The following CAMK4 variants were observed in gnomAD, a reference collection of about 807,000 sequenced individuals.
CAMK4 encodes the protein calcium/calmodulin-dependent protein kinase type IV.
In CAMK4, 22 loss-of-function variants were observed where a neutral mutation model predicts 44.9. The observed-to-expected ratio is 0.49, with a 90% CI of 0.35 to 0.70. The LOEUF (loss-of-function observed/expected upper bound fraction) is 0.70, where lower values mean the gene tolerates loss of function less well. Ranked by LOEUF, CAMK4 falls within the 30% of genes least tolerant of loss-of-function variation. The pLI, the probability that CAMK4 is intolerant of heterozygous loss-of-function variation, is 0.01. For synonymous variants in CAMK4, 218 were observed against 215.4 expected, an observed-to-expected ratio of 1.01 and a Z score of -0.11; for missense variants, 498 against 586.8, an observed-to-expected ratio of 0.85 and a Z score of 1.56.
intron 1 of CAMK4, among the ~76,000 whole-genome samples, chr5:111,309,236 A>C (rs1352681088): frequency 6.6e-6 from 1 of 152,186 alleles, no homozygotes. Context: ...CACCAAACCA[A>C]ATGCCTCCTG....
At chr5:111,396,628 A>ATTTT (rs1210775733) in intron 5 of CAMK4, among the ~76,000 whole-genome samples, 2 of 41,292 alleles carry the variant, frequency 4.8e-5, no homozygotes, top group African/African-American at 2.1e-4. Context: ...ATTAACTCAT[A>ATTTT]TTCTTTTTTT....
chr5:111,387,143 A>G (rs893128853), intron 4 of CAMK4, among the ~76,000 whole-genome samples: 2 of 152,228 alleles, frequency 1.3e-5, no homozygotes, highest in African/African-American at 4.8e-5. Flanking sequence ...TACAGCAATA[A>G]CTATGTTTAA....
At chr5:111,415,943 T>G (rs990905169) in intron 5 of CAMK4, among the ~76,000 whole-genome samples, 23 of 152,346 alleles carry the variant, frequency 1.5e-4, no homozygotes, top group African/African-American at 5.5e-4. Context: ...TACAAGAAGA[T>G]GTGTGTAGTT....
chr5:111,331,617 C>G (rs558864790), intron 1 of CAMK4, among the ~76,000 whole-genome samples: 124 of 151,816 alleles, frequency 8.2e-4, no homozygotes, highest in African/African-American at 2.2e-3. Context: ...CCCTATCCAT[C>G]TTGAAGACCC....
At chr5:111,443,247 T>C (rs1362518450) in intron 5 of CAMK4, among the ~76,000 whole-genome samples, 1 of 56,316 alleles carries the variant, frequency 1.8e-5, no homozygotes, top group Non-Finnish European at 3.4e-5. Flanking sequence ...CCCTACCATA[T>C]ATATATATAT....
In CAMK4 at chr5:111,486,886, T is replaced by C. The variant is rs1424259183; in HGVS notation, c.*2420T>C. The C allele has an allele frequency of 6.6e-6, 1 of 152,232 alleles. No homozygotes were observed. Among genetic ancestry groups the C allele is most frequent in the Admixed American group, 6.5e-5 (1 of 15,278 alleles). 9.4% of individuals were successfully genotyped at this position (152,232 alleles called of 1,614,324 possible). A position where few individuals can be genotyped will look rare whatever the true frequency, so the allele number is the denominator to read the frequency against. ...AAAAAATCAATGGGAGTTTTAAATT[T>C]TGACTCATGTTAAAGATAAGATTCT... On this transcript the variant is annotated 3_prime_UTR_variant, in exon 11 of 11. Transcript: ENST00000282356.
At chr5:111,344,223 T>A (rs1230175124) in intron 2 of CAMK4, 121 bp downstream of exon 2, 1 of 579,404 alleles carries the variant, frequency 1.7e-6, no homozygotes, top group African/African-American at 1.9e-5. Context: ...CATTTGACTC[T>A]TGATTACGGG....
chr5:111,331,303 A>G (rs78721443), intron 1 of CAMK4, among the ~76,000 whole-genome samples: 1 of 151,778 alleles, frequency 6.6e-6, no homozygotes, highest in Non-Finnish European at 1.5e-5. Context: ...TTCACAAAAG[A>G]TGAATGAATT....
intron 2 of CAMK4, among the ~76,000 whole-genome samples, chr5:111,346,762 A>C (rs1294386780): frequency 6.6e-6 from 1 of 151,826 alleles, no homozygotes; most frequent in South Asian, 2.1e-4. Flanking sequence ...GTAGGTCATC[A>C]TTCTAATATC....
At chr5:111,344,241 C>T (rs371234056) in intron 2 of CAMK4, 139 bp downstream of exon 2, 2 of 512,492 alleles carry the variant, frequency 3.9e-6, no homozygotes, top group East Asian at 3.2e-5. Flanking sequence ...GGGAGTGCAA[C>T]CCAAATAGGT....
At chr5:111,266,804 G>A (rs1011247343) in intron 1 of CAMK4, among the ~76,000 whole-genome samples, 6 of 152,186 alleles carry the variant, frequency 3.9e-5, no homozygotes, top group South Asian at 2.1e-4. Flanking sequence ...AAATCTATTG[G>A]TTGTGTTTCA....
intron 1 of CAMK4, among the ~76,000 whole-genome samples, chr5:111,236,792 T>A (rs1748751034): frequency 6.6e-6 from 1 of 152,234 alleles, no homozygotes; most frequent in African/African-American, 2.4e-5. Flanking sequence ...CCAGAACATC[T>A]GCTTATTGGG....
At chr5:111,344,671 T>C (rs934295232) in intron 2 of CAMK4, among the ~76,000 whole-genome samples, 1 of 151,736 alleles carries the variant, frequency 6.6e-6, no homozygotes, top group Admixed American at 6.6e-5. Flanking sequence ...AAGTTTGTAC[T>C]TGGAAAAAAA....
At chr5:111,393,781 C>G (rs924917635) in intron 4 of CAMK4, among the ~76,000 whole-genome samples, 1 of 151,940 alleles carries the variant, frequency 6.6e-6, no homozygotes, top group South Asian at 2.1e-4. Context: ...AGGCTTAATA[C>G]CTGGGTGATG....
intron 2 of CAMK4, among the ~76,000 whole-genome samples, chr5:111,355,283 T>A (rs1359302407): frequency 6.6e-6 from 1 of 152,082 alleles, no homozygotes; most frequent in African/African-American, 2.4e-5. Flanking sequence ...AACAGGAATA[T>A]TTCTATCCAG....
Position 111,478,885 on chromosome 5 carries a change from T to C in CAMK4, c.828+378T>C, listed in dbSNP as rs187436839. 6.6e-3 allele frequency among the ~76,000 whole-genome samples: 1,006 copies of C among 152,306 alleles called. 8 individuals carry two copies. Among genetic ancestry groups the C allele is most frequent in the Non-Finnish European group, 0.011 (737 of 68,026 alleles). ...TTAGATGTACTTCATTTCTTTTTTGTTTCTTTGTTTTTGAGACAAGGTCTC... is the reference window on the plus strand; with the variant it reads ...TTAGATGTACTTCATTTCTTTTTTGCTTCTTTGTTTTTGAGACAAGGTCTC... On this transcript the variant is annotated intron_variant, in intron 9 of 10. Coordinates refer to ENST00000282356, the MANE Select transcript of CAMK4 (RefSeq NM_001744.6).
intron 7 of CAMK4, 48 bp from the exon 8 acceptor site, chr5:111,473,263 A>G: frequency 8.5e-7 from 1 of 1,175,178 alleles, no homozygotes; most frequent in Non-Finnish European, 1.3e-6. Flanking sequence ...ATTAAAATAT[A>G]AATATTGACT....
rs77269208 is a variant in CAMK4 at position 111,367,749 on chromosome 5, G to A, written c.241-7101G>A. ...GAAAAATGGAAAAGTTAACCCATGG[G>A]CCAAATTTCAGCAATGGGAAACAAA... On this transcript the variant is annotated intron_variant, in intron 2 of 10. Transcript: ENST00000282356. Among the ~76,000 whole-genome samples the A allele has an allele frequency of 6.2e-3, 949 of 152,178 alleles. 4 individuals carry two copies. The highest frequency in any genetic ancestry group is 0.021 in the African/African-American group (880 of 41,538).
At chr5:111,276,525 C>G (rs927473755) in intron 1 of CAMK4, among the ~76,000 whole-genome samples, 5 of 152,172 alleles carry the variant, frequency 3.3e-5, no homozygotes, top group Non-Finnish European at 5.9e-5. Context: ...CCCAGGAGTT[C>G]AAGTTCAGCC....
Sources: allele counts gnomAD v4.1 joint callset (sites outside exome capture counted in the v4.1 genomes callset), GRCh38; gene constraint gnomAD v4.1.1; transcripts MANE v1.5; gene names NCBI Gene and HGNC (gene_info 2026-07-23, HGNC 2026-07-21).